Variants in EYS observed in about 807,000 individuals in gnomAD.
The protein encoded by EYS is protein eyes shut homolog.
Under a neutral mutation model 282.1 loss-of-function variants are expected in EYS, and 250 were observed. The ratio of observed to expected loss-of-function variants is 0.89; its 90% CI spans 0.80 to 0.98. The LOEUF is 0.98. EYS is among the 50% of genes least tolerant of loss of function. EYS has a pLI of 0.00. For missense variants in EYS, 4,016 were observed against 3,709.0 expected (o/e 1.08, Z -2.15); for synonymous variants, 1,355 against 1,282.9 (o/e 1.06, Z -1.20).
intron 7 of EYS, among the ~76,000 whole-genome samples, chr6:65,400,676 C>T (rs1388874265): frequency 1.3e-5 from 2 of 151,882 alleles, no homozygotes; most frequent in African/African-American, 4.8e-5. Flanking sequence ...CACTGTCTTT[C>T]TCAGGGAGGT....
intron 32 of EYS, among the ~76,000 whole-genome samples, chr6:64,074,331 ATAAT>A (rs1771691312): frequency 6.6e-6 from 1 of 151,108 alleles, no homozygotes; most frequent in African/African-American, 2.4e-5. Flanking sequence ...ATATGTATAT[ATAAT>A]TAGTCTTATA....
intron 40 of EYS, among the ~76,000 whole-genome samples, chr6:63,764,363 G>T (rs138131143): frequency 1.3e-3 from 203 of 152,060 alleles, no homozygotes; most frequent in South Asian, 2.7e-3. Context: ...ATATTTTGAA[G>T]ATTATTTTTG....
At chr6:64,203,213 G>A (rs992763180) in intron 31 of EYS, among the ~76,000 whole-genome samples, 1 of 152,202 alleles carries the variant, frequency 6.6e-6, no homozygotes, top group African/African-American at 2.4e-5. Flanking sequence ...ATCCATGACT[G>A]GAAGCCAGTT....
intron 14 of EYS, among the ~76,000 whole-genome samples, chr6:64,965,354 T>C (rs1770056504): frequency 1.3e-5 from 2 of 151,892 alleles, no homozygotes; most frequent in Non-Finnish European, 2.9e-5. Context: ...ATAAAATAGC[T>C]ATTGTTTATA....
At chr6:63,816,366 T>A (rs1217086708) in intron 36 of EYS, among the ~76,000 whole-genome samples, 2 of 152,232 alleles carry the variant, frequency 1.3e-5, no homozygotes, top group Admixed American at 1.3e-4. Context: ...TAAAGTATTT[T>A]ATTTGCTATA....
chr6:65,336,790 AC>A (rs1770005892), intron 10 of EYS, among the ~76,000 whole-genome samples: 1 of 151,542 alleles, frequency 6.6e-6, no homozygotes, highest in South Asian at 2.1e-4. Context: ...TATATTTTTA[AC>A]AGCTTTAAAA....
intron 5 of EYS, among the ~76,000 whole-genome samples, chr6:65,461,938 G>T (rs1429069283): frequency 6.6e-6 from 1 of 151,896 alleles, no homozygotes; most frequent in African/African-American, 2.4e-5. Flanking sequence ...CTATTCTTGG[G>T]TATTTACCAT....
chr6:65,170,868 AT>A (rs1765089030), intron 12 of EYS, among the ~76,000 whole-genome samples: 1 of 151,506 alleles, frequency 6.6e-6, no homozygotes, highest in African/African-American at 2.4e-5. Flanking sequence ...TGAATATCCA[AT>A]AACAAAAATG....
At chr6:63,729,522 CTTT>C (rs200980350) in intron 41 of EYS, among the ~76,000 whole-genome samples, 3 of 142,082 alleles carry the variant, frequency 2.1e-5, no homozygotes, top group Admixed American at 1.4e-4. Flanking sequence ...TGTCTAGATT[CTTT>C]TTTTTTTTTC....
At chr6:65,174,280 C>T (rs892241363) in intron 12 of EYS, among the ~76,000 whole-genome samples, 3 of 151,258 alleles carry the variant, frequency 2.0e-5, no homozygotes, top group Non-Finnish European at 4.4e-5. Flanking sequence ...TGGCCTAGAA[C>T]TTTCCATTGC....
At chr6:65,614,794 T>C (rs1766126178) in intron 2 of EYS, among the ~76,000 whole-genome samples, 1 of 152,192 alleles carries the variant, frequency 6.6e-6, no homozygotes, top group African/African-American at 2.4e-5. Context: ...TCAGCCTGCA[T>C]TTATATGCCA....
intron 26 of EYS, among the ~76,000 whole-genome samples, chr6:64,484,270 G>A (rs1326444180): frequency 1.3e-5 from 2 of 151,498 alleles, no homozygotes; most frequent in East Asian, 3.9e-4. Flanking sequence ...TACTGGCTGT[G>A]TACAAGCCTA....
intron 5 of EYS, among the ~76,000 whole-genome samples, chr6:65,462,340 A>G (rs1242410399): frequency 1.3e-5 from 2 of 152,030 alleles, no homozygotes; most frequent in Non-Finnish European, 2.9e-5. Context: ...GATAGTGTGA[A>G]GGAAGTTTTG....
intron 18 of EYS, among the ~76,000 whole-genome samples, chr6:64,894,571 C>G (rs1224599540): frequency 7.9e-5 from 12 of 152,078 alleles, no homozygotes; most frequent in Admixed American, 7.9e-4. Context: ...TTCACAATTC[C>G]AAAACCTAAG....
In EYS at chr6:65,402,652, C is replaced by T. The variant is rs756952316; in HGVS notation, c.1057-47G>A. 21 of 1,342,364 alleles carry T rather than the reference C, an allele frequency of 1.6e-5. No individual in the cohort carries two copies. The South Asian group carries it at 2.1e-4, about 13-fold the overall frequency. 83.2% of individuals were successfully genotyped at this position (1,342,364 alleles called of 1,614,324 possible). ...TTTTTACAAAGTATTATGGATATTTCAAAGGTAATGAATGGGTTCTTACCT... is the reference window on the plus strand; with the variant it reads ...TTTTTACAAAGTATTATGGATATTTTAAAGGTAATGAATGGGTTCTTACCT... On this transcript the variant is annotated intron_variant, in intron 6 of 42. Coordinates refer to ENST00000503581, the MANE Select transcript of EYS (RefSeq NM_001142800.2).
chr6:64,459,997 T>G (rs1775691456), intron 26 of EYS, among the ~76,000 whole-genome samples: 1 of 151,988 alleles, frequency 6.6e-6, no homozygotes, highest in Non-Finnish European at 1.5e-5. Context: ...GGGATTTTTC[T>G]GTTGTGCCAG....
chr6:65,080,637 G>C (rs1774206962), intron 12 of EYS, among the ~76,000 whole-genome samples: 1 of 151,752 alleles, frequency 6.6e-6, no homozygotes, highest in African/African-American at 2.4e-5. Context: ...GAATTGATTT[G>C]TTTGGGTTTG....
At chr6:65,318,705 G>A (rs1769384639) in intron 11 of EYS, among the ~76,000 whole-genome samples, 1 of 150,206 alleles carries the variant, frequency 6.7e-6, no homozygotes, top group Non-Finnish European at 1.5e-5. Context: ...GCAGGGGCAC[G>A]ATCTCCACTC....
intron 35 of EYS, among the ~76,000 whole-genome samples, chr6:63,935,105 A>C (rs920343950): frequency 2.0e-5 from 3 of 152,176 alleles, no homozygotes; most frequent in Non-Finnish European, 2.9e-5. Flanking sequence ...GTCTTCATGG[A>C]AATTTTTCCA....
Sources: allele counts gnomAD v4.1 joint callset (sites outside exome capture counted in the v4.1 genomes callset), GRCh38; gene constraint gnomAD v4.1.1; transcripts MANE v1.5; gene names NCBI Gene and HGNC (gene_info 2026-07-23, HGNC 2026-07-21).